DDR2: variants seen among roughly 807,000 people sequenced by gnomAD.
The protein encoded by DDR2 is discoidin domain receptor tyrosine kinase 2.
A neutral mutation model predicts 94.9 loss-of-function variants in DDR2; 27 were observed. That is an observed-to-expected ratio of 0.28 (90% CI 0.21 to 0.39). DDR2 has a LOEUF of 0.39. Ranked by LOEUF, DDR2 falls within the 10% of genes least tolerant of loss-of-function variation. The pLI is 1.00. For missense variants in DDR2, 783 were observed against 1,076.0 expected, an observed-to-expected ratio of 0.73 and a Z score of 3.81; for synonymous variants, 382 against 377.2, an observed-to-expected ratio of 1.01 and a Z score of -0.15.
intron 10 of DDR2, 41 bp downstream of exon 10, chr1:162,766,104 C>G: frequency 6.2e-7 from 1 of 1,602,968 alleles, no homozygotes. Context: ...TTTGAAGGGA[C>G]TTACTGGGGG....
chr1:162,668,161 A>G (rs1264329883), intron 2 of DDR2, among the ~76,000 whole-genome samples: 1 of 152,224 alleles, frequency 6.6e-6, no homozygotes, highest in Non-Finnish European at 1.5e-5. Flanking sequence ...ATTGAAAAAA[A>G]TCAAGTTGGC....
At chr1:162,650,997 G>C (rs942288906) in intron 1 of DDR2, among the ~76,000 whole-genome samples, 1 of 152,076 alleles carries the variant, frequency 6.6e-6, no homozygotes, top group Admixed American at 6.5e-5. Context: ...CCAAAGTGCT[G>C]GGATTACAGG....
chr1:162,725,771 G>A (rs1244418255), intron 3 of DDR2, among the ~76,000 whole-genome samples: 1 of 152,184 alleles, frequency 6.6e-6, no homozygotes, highest in Non-Finnish European at 1.5e-5. Flanking sequence ...GGGCTACAGA[G>A]ACCCGTGAAT....
intron 4 of DDR2, among the ~76,000 whole-genome samples, chr1:162,754,082 T>G (rs73026539): frequency 1.6e-3 from 237 of 152,250 alleles, no homozygotes; most frequent in African/African-American, 5.4e-3. Context: ...CTGAAGGTAA[T>G]AAAATGAAAC....
chr1:162,649,393 G>T (rs1657571121), intron 1 of DDR2, among the ~76,000 whole-genome samples: 1 of 152,126 alleles, frequency 6.6e-6, no homozygotes, highest in Admixed American at 6.5e-5. Context: ...TGCACTAGAG[G>T]TTGGTAGTGT....
intron 2 of DDR2, among the ~76,000 whole-genome samples, chr1:162,689,842 T>TAAAAAA (rs1158650637): frequency 1.8e-4 from 2 of 10,926 alleles, no homozygotes; most frequent in Non-Finnish European, 5.0e-4. Flanking sequence ...CATCTCTACT[T>TAAAAAA]AAAAAAAAAA....
rs1424734199 is a variant in DDR2, at chr1:162,772,242, G to C, written c.1723G>C (p.Gly575Arg). 5.6e-6 allele frequency: 9 copies of C among 1,614,004 alleles called. No homozygotes were observed. The highest frequency in any genetic ancestry group is 5.0e-5 in the Admixed American group (3 of 59,994). Residue 575 changes from glycine (G) to arginine (R), a missense_variant, in exon 13 of 18, where the codon GGG (glycine) becomes CGG (arginine). By Grantham distance (125) the Gly-to-Arg change is moderately radical (BLOSUM62 -2). This residue lies in a region of DDR2 where 264 missense variants were observed against 428.2 expected (regional missense o/e 0.62). Transcript: ENST00000367921. ...AGAGAAGCTGGGAGAAGGACAGTTTGGGGAGGTGAGTTGATTCTTTGATTC... is the reference window on the plus strand; with the variant it reads ...AGAGAAGCTGGGAGAAGGACAGTTTCGGGAGGTGAGTTGATTCTTTGATTC... ...FKEKLGEGQF[G>R]EVHLCEVEGM...
intron 3 of DDR2, among the ~76,000 whole-genome samples, chr1:162,748,251 G>A (rs1662984148): frequency 6.6e-6 from 1 of 152,154 alleles, no homozygotes; most frequent in Non-Finnish European, 1.5e-5. Flanking sequence ...GTATTCAGGA[G>A]ACCCATCTCA....
At chr1:162,669,586 T>C (rs1405320383) in intron 2 of DDR2, among the ~76,000 whole-genome samples, 1 of 152,242 alleles carries the variant, frequency 6.6e-6, no homozygotes, top group Non-Finnish European at 1.5e-5. Flanking sequence ...TTATTTTAAT[T>C]ATTGTATCAC....
At chr1:162,693,122 C>A (rs1036235397) in intron 2 of DDR2, among the ~76,000 whole-genome samples, 3 of 152,000 alleles carry the variant, frequency 2.0e-5, no homozygotes, top group Non-Finnish European at 4.4e-5. Context: ...ACAGACAAAA[C>A]TATATGAGGT....
intron 1 of DDR2, among the ~76,000 whole-genome samples, chr1:162,646,965 A>T (rs1007547933): frequency 6.6e-6 from 1 of 152,174 alleles, no homozygotes; most frequent in African/African-American, 2.4e-5. Context: ...CTTGTACCTC[A>T]AGGACTCACT....
chr1:162,644,727 G>T lies in DDR2; in HGVS notation c.-191-10484G>T, dbSNP rs148520302. On this transcript the variant is annotated intron_variant, in intron 1 of 17. Coordinates refer to ENST00000367921, the MANE Select transcript of DDR2 (RefSeq NM_006182.4). Reference sequence around the variant, plus strand: ...TTCTCCTGCCTCAGCCTCCTGAATAGCTGGGATTACAGGCATGCACTACCA... The same window carrying T: ...TTCTCCTGCCTCAGCCTCCTGAATATCTGGGATTACAGGCATGCACTACCA... Among the ~76,000 whole-genome samples the T allele has an allele frequency of 1.9e-3, 287 of 152,066 alleles. 5 individuals carry two copies. The East Asian group carries it at 0.043, about 23-fold the overall frequency.
chr1:162,641,786 C>T (rs1657139736), intron 1 of DDR2, among the ~76,000 whole-genome samples: 2 of 152,098 alleles, frequency 1.3e-5, no homozygotes, highest in Admixed American at 1.3e-4. Context: ...ACTGGACTTA[C>T]TATCAGAAGT....
chr1:162,719,776 G>A (rs1440402428), intron 3 of DDR2, among the ~76,000 whole-genome samples: 3 of 152,140 alleles, frequency 2.0e-5, no homozygotes, highest in Middle Eastern at 3.4e-3. Flanking sequence ...GTCTTTAAAC[G>A]AGCATTTATT....
intron 3 of DDR2, among the ~76,000 whole-genome samples, chr1:162,728,588 A>G (rs1471951805): frequency 6.6e-6 from 1 of 152,148 alleles, no homozygotes; most frequent in Non-Finnish European, 1.5e-5. Flanking sequence ...GTGTTAACAT[A>G]ATGCTATGCC....
chr1:162,687,102 G>T (rs534173660), intron 2 of DDR2, among the ~76,000 whole-genome samples: 2 of 152,308 alleles, frequency 1.3e-5, no homozygotes, highest in African/African-American at 4.8e-5. Context: ...CCAGGCTTTG[G>T]GCTGCTCTGG....
chr1:162,675,441 G>A (rs1659082027), intron 2 of DDR2, among the ~76,000 whole-genome samples: 1 of 152,172 alleles, frequency 6.6e-6, no homozygotes, highest in South Asian at 2.1e-4. Context: ...CGATGTTGAT[G>A]GCAAGTCTAC....
At chr1:162,656,663 A>C (rs1453622164) in intron 2 of DDR2, among the ~76,000 whole-genome samples, 2 of 151,430 alleles carry the variant, frequency 1.3e-5, no homozygotes, top group Admixed American at 1.3e-4. Flanking sequence ...TTGAGCCTTC[A>C]CAGTGTATAT....
At chr1:162,711,961 G>A (rs907535718) in intron 2 of DDR2, among the ~76,000 whole-genome samples, 6 of 151,954 alleles carry the variant, frequency 3.9e-5, no homozygotes, top group Admixed American at 6.6e-5. Context: ...GAGTGCTGGG[G>A]CTTGCTCTGA....
Sources: gnomAD v4.1 joint callset for allele counts (sites outside exome capture counted in the v4.1 genomes callset) on GRCh38, gnomAD v4.1.1 for gene constraint, gnomAD v4.1.1 regional missense constraint, MANE v1.5 for transcripts, NCBI Gene and HGNC (gene_info 2026-07-23, HGNC 2026-07-21) for gene names.